TRPM3: variants seen among roughly 807,000 people sequenced by gnomAD.
The protein encoded by TRPM3 is long transient receptor potential channel 3.
In TRPM3, 77 loss-of-function variants were observed where a neutral mutation model predicts 181.2. The observed-to-expected ratio is 0.42, with a 90% CI of 0.35 to 0.51. The LOEUF (loss-of-function observed/expected upper bound fraction) is 0.51. Ranked by LOEUF, TRPM3 falls within the 20% of genes least tolerant of loss-of-function variation. TRPM3 has a pLI of 0.01. For missense variants in TRPM3, 1,759 were observed against 2,196.7 expected, an observed-to-expected ratio of 0.80 and a Z score of 3.98; for synonymous variants, 745 against 796.4, an observed-to-expected ratio of 0.94 and a Z score of 1.09.
intron 1 of TRPM3, among the ~76,000 whole-genome samples, chr9:71,433,980 A>T (rs919406009): frequency 1.3e-5 from 2 of 151,904 alleles, no homozygotes; most frequent in South Asian, 4.2e-4. Context: ...ACATGGAGAA[A>T]CCCCATCTCT....
Position 70,827,718 on chromosome 9 carries a change from C to T in TRPM3, c.973+129G>A, listed in dbSNP as rs76144502. The T allele has an allele frequency of 8.8e-3, 10,270 of 1,164,852 alleles. 662 individuals carry two copies. In the African/African-American group the frequency reaches 0.14, roughly 16 times the overall value. The allele number at this position is 1,164,852 out of a possible 1,614,324, so 72.2% of individuals were successfully genotyped here. A position where few individuals can be genotyped will look rare whatever the true frequency, so the allele number is the denominator to read the frequency against. On this transcript the variant is annotated intron_variant, in intron 6 of 25. Transcript: ENST00000677713. ...CTTCCTCTCATTCTAAGCTCTGGCCCGGTAGAAATAATGGTTCATGTTTAA... is the reference window on the plus strand; with the variant it reads ...CTTCCTCTCATTCTAAGCTCTGGCCTGGTAGAAATAATGGTTCATGTTTAA...
intron 25 of TRPM3, among the ~76,000 whole-genome samples, chr9:70,538,540 T>C (rs2042392524): frequency 6.6e-6 from 1 of 152,192 alleles, no homozygotes; most frequent in Non-Finnish European, 1.5e-5. Flanking sequence ...GCGATCCTCC[T>C]GGCTCAGCCT....
chr9:70,677,107 A>G (rs1370986600), intron 9 of TRPM3, among the ~76,000 whole-genome samples: 2 of 152,018 alleles, frequency 1.3e-5, no homozygotes, highest in Non-Finnish European at 2.9e-5. Context: ...CAAAGTGAGA[A>G]CTAGCTAAAA....
At chr9:71,338,152 G>A (rs948178901) in intron 1 of TRPM3, among the ~76,000 whole-genome samples, 2 of 151,574 alleles carry the variant, frequency 1.3e-5, no homozygotes, top group Non-Finnish European at 2.9e-5. Flanking sequence ...CAAAAGGCTT[G>A]GTAAAAACTT....
chr9:71,246,421 A>G (rs2082036452), intron 1 of TRPM3, among the ~76,000 whole-genome samples: 1 of 152,222 alleles, frequency 6.6e-6, no homozygotes, highest in African/African-American at 2.4e-5. Flanking sequence ...CAAACTCAAT[A>G]AAATTATTTA....
At chr9:71,309,758 C>A (rs2132389984) in intron 1 of TRPM3, among the ~76,000 whole-genome samples, 1 of 152,170 alleles carries the variant, frequency 6.6e-6, no homozygotes, top group Non-Finnish European at 1.5e-5. Context: ...TAATTTACAA[C>A]TGAAATGCAC....
At chr9:71,260,215 C>T (rs531714060) in intron 1 of TRPM3, among the ~76,000 whole-genome samples, 1 of 152,124 alleles carries the variant, frequency 6.6e-6, no homozygotes, top group Admixed American at 6.5e-5. Context: ...ATTTCTGAGG[C>T]CTCTGTTCTG....
intron 22 of TRPM3, among the ~76,000 whole-genome samples, chr9:70,570,950 CT>C (rs1461116168): frequency 1.3e-5 from 2 of 152,044 alleles, no homozygotes; most frequent in African/African-American, 4.8e-5. Context: ...CATTTCCTTG[CT>C]TATTTTGGAA....
intron 1 of TRPM3, among the ~76,000 whole-genome samples, chr9:70,971,404 T>G (rs1436393724): frequency 6.6e-6 from 1 of 152,104 alleles, no homozygotes; most frequent in East Asian, 1.9e-4. Flanking sequence ...GTGATCCTTA[T>G]TTTTTCACTG....
intron 1 of TRPM3, among the ~76,000 whole-genome samples, chr9:71,039,526 A>G (rs1310890220): frequency 6.6e-6 from 1 of 152,198 alleles, no homozygotes; most frequent in Non-Finnish European, 1.5e-5. Context: ...TCAAGAGAAC[A>G]TATTGGGTAT....
intron 1 of TRPM3, among the ~76,000 whole-genome samples, chr9:71,364,896 C>T (rs1203549774): frequency 6.6e-6 from 1 of 152,110 alleles, no homozygotes; most frequent in Middle Eastern, 3.2e-3. Context: ...TGTTCATAAG[C>T]ATTTGCATGG....
intron 1 of TRPM3, among the ~76,000 whole-genome samples, chr9:71,012,351 G>A (rs1200124061): frequency 6.7e-6 from 1 of 148,854 alleles, no homozygotes; most frequent in Non-Finnish European, 1.5e-5. Context: ...TCATTCTTTG[G>A]TTCACCTGTC....
Position 71,294,481 on chromosome 9 carries a change from T to C in TRPM3, c.183+152172A>G, listed in dbSNP as rs1021718623. On this transcript the variant is annotated intron_variant, in intron 1 of 24. Coordinates refer to the TRPM3 transcript ENST00000357533. ...AAGCCTGACAATCTTCTTGACAATA[T>C]TGAGGAGGATATAAAGCTCCATGAA... 3.9e-5 allele frequency among the ~76,000 whole-genome samples: 6 copies of C among 152,184 alleles called. No individual in the cohort carries two copies. The South Asian group carries it at 6.2e-4, about 16-fold the overall frequency.
chr9:71,070,419 G>A (rs972342983), intron 1 of TRPM3, among the ~76,000 whole-genome samples: 2 of 152,136 alleles, frequency 1.3e-5, no homozygotes, highest in Admixed American at 6.5e-5. Flanking sequence ...TTTGCTTTTA[G>A]CTCTGCACCA....
chr9:71,010,762 A>G (rs1024329129), intron 1 of TRPM3, among the ~76,000 whole-genome samples: 1 of 152,312 alleles, frequency 6.6e-6, no homozygotes, highest in African/African-American at 2.4e-5. Context: ...TGATCCAGCA[A>G]TCCCATTACT....
At chr9:71,421,001 G>GAGAGAAAA (rs1554658590) in intron 1 of TRPM3, among the ~76,000 whole-genome samples, 13,502 of 122,410 alleles carry the variant, frequency 0.11, 1,770 homozygotes, top group Middle Eastern at 0.18. Context: ...GAGAGAAAAA[G>GAGAGAAAA]AGAGAAAAAG....
intron 1 of TRPM3, among the ~76,000 whole-genome samples, chr9:71,420,733 G>GAAAGAGAGAGAA (rs2093726319): frequency 1.8e-5 from 1 of 54,980 alleles, no homozygotes; most frequent in Non-Finnish European, 4.4e-5. Flanking sequence ...GAGAGAGAGA[G>GAAAGAGAGAGAA]AGAAAGAGAG....
At chr9:70,808,792 G>A (rs987605734) in intron 6 of TRPM3, among the ~76,000 whole-genome samples, 6 of 152,204 alleles carry the variant, frequency 3.9e-5, no homozygotes, top group Non-Finnish European at 8.8e-5. Flanking sequence ...TTTGGTATTT[G>A]TGTTTTGGAA....
chr9:71,196,167 ATGTGTG>A (rs71507026), intron 1 of TRPM3, among the ~76,000 whole-genome samples: 10,872 of 149,376 alleles, frequency 0.073, 468 homozygotes, highest in South Asian at 0.1. Context: ...ACACACGTAT[ATGTGTG>A]TGTGTGTGTG....
Sources: gnomAD v4.1 joint callset for allele counts (sites outside exome capture counted in the v4.1 genomes callset) on GRCh38, gnomAD v4.1.1 for gene constraint, MANE v1.5 for transcripts, NCBI Gene and HGNC (gene_info 2026-07-23, HGNC 2026-07-21) for gene names.